The following PPP2R2C variants were observed in gnomAD, a reference collection of about 807,000 sequenced individuals.
The protein encoded by PPP2R2C is protein phosphatase 2 regulatory subunit Bgamma.
Under a neutral mutation model 45.3 loss-of-function variants are expected in PPP2R2C, and 10 were observed. The ratio of observed to expected loss-of-function variants is 0.22; its 90% CI spans 0.14 to 0.37. PPP2R2C has a LOEUF of 0.37. Among genes scored for constraint, PPP2R2C ranks in the 10% least tolerant of loss-of-function variants. The pLI, the probability that PPP2R2C is intolerant of heterozygous loss-of-function variation, is 1.00. For synonymous variants in PPP2R2C, 257 were observed against 245.4 expected (o/e 1.05, Z -0.44); for missense variants, 308 against 619.7 (o/e 0.50, Z 5.34).
intron 1 of PPP2R2C, among the ~76,000 whole-genome samples, chr4:6,448,159 G>A (rs547019238): frequency 2.9e-3 from 445 of 152,240 alleles, no homozygotes; most frequent in African/African-American, 9.8e-3. Flanking sequence ...TATTGGGTGC[G>A]TTCTCTGTGC....
chr4:6,413,654 T>G (rs10213600), intron 1 of PPP2R2C, among the ~76,000 whole-genome samples: 41,426 of 152,086 alleles, frequency 0.27, 6,024 homozygotes, highest in Admixed American at 0.39. Flanking sequence ...ACCACAGCAC[T>G]CACCTGTTCC....
intron 8 of PPP2R2C, among the ~76,000 whole-genome samples, chr4:6,326,876 C>G (rs1731988767): frequency 6.6e-6 from 1 of 152,202 alleles, no homozygotes; most frequent in African/African-American, 2.4e-5. Flanking sequence ...GCGGGCCGGA[C>G]CAACTGTCAG....
At chr4:6,350,261 G>A (rs183755165) in intron 5 of PPP2R2C, 6 of 985,474 alleles carry the variant, frequency 6.1e-6, no homozygotes, top group African/African-American at 3.5e-5. Flanking sequence ...CTCCCAGGCC[G>A]AATGCCTCCC....
chr4:6,485,554 T>C (rs966234750), intron 2 of PPP2R2C, among the ~76,000 whole-genome samples: 1 of 151,952 alleles, frequency 6.6e-6, no homozygotes, highest in African/African-American at 2.4e-5. Context: ...TCAATAGTTA[T>C]AGGACTACTC....
At chr4:6,513,747 G>C (rs1285702625) in intron 2 of PPP2R2C, among the ~76,000 whole-genome samples, 1 of 152,170 alleles carries the variant, frequency 6.6e-6, no homozygotes, top group African/African-American at 2.4e-5. Flanking sequence ...CATGAAAAGG[G>C]CGTGCACTGG....
At chr4:6,505,548 A>G (rs1161318348) in intron 2 of PPP2R2C, among the ~76,000 whole-genome samples, 1 of 152,264 alleles carries the variant, frequency 6.6e-6, no homozygotes, top group East Asian at 1.9e-4. Flanking sequence ...TGGAAAATTA[A>G]TAAACTTTTC....
chr4:6,435,628 C>A (rs182280805), intron 1 of PPP2R2C, among the ~76,000 whole-genome samples: 2 of 152,180 alleles, frequency 1.3e-5, no homozygotes, highest in South Asian at 4.1e-4. Flanking sequence ...TCTATTTATA[C>A]AAGATTCGTG....
At chr4:6,532,900 C>T (rs13127385) in intron 2 of PPP2R2C, among the ~76,000 whole-genome samples, 41,794 of 152,084 alleles carry the variant, frequency 0.27, 5,911 homozygotes, top group African/African-American at 0.34. Context: ...GGCTGGGAGA[C>T]GCATCCCCAG....
At chr4:6,337,112 G>GTGTGTGTGTGTGTA (rs1202845732) in intron 6 of PPP2R2C, among the ~76,000 whole-genome samples, 2 of 30,098 alleles carry the variant, frequency 6.6e-5, no homozygotes, top group African/African-American at 2.1e-4. Context: ...ATGTGTGTGT[G>GTGTGTGTGTGTGTA]TATATATATA....
intron 1 of PPP2R2C, among the ~76,000 whole-genome samples, chr4:6,431,113 A>C (rs1719590496): frequency 6.6e-6 from 1 of 152,192 alleles, no homozygotes; most frequent in Admixed American, 6.5e-5. Context: ...AAGCCCAAGG[A>C]TCAGTATAAC....
In PPP2R2C at chr4:6,466,175, C is replaced by T. The variant is rs146727086; in HGVS notation, c.70+5985G>A. Among the ~76,000 whole-genome samples the T allele has an allele frequency of 3.7e-3, 571 of 152,320 alleles. 3 individuals carry two copies. Among genetic ancestry groups the T allele is most frequent in the African/African-American group, 0.013 (545 of 41,570 alleles). ...CTGTCCACTGTGCATGGGGCTCAGA[C>T]GCTCAAGTGAACACAGGGTAGCGTG... On this transcript the variant is annotated intron_variant, in intron 1 of 8. Coordinates refer to ENST00000382599, the MANE Select transcript of PPP2R2C (RefSeq NM_020416.4).
chr4:6,387,372 A>C (rs192825318), intron 1 of PPP2R2C, among the ~76,000 whole-genome samples: 1 of 152,224 alleles, frequency 6.6e-6, no homozygotes, highest in African/African-American at 2.4e-5. Flanking sequence ...TAAAAACAAC[A>C]TATTACATTC....
intron 1 of PPP2R2C, among the ~76,000 whole-genome samples, chr4:6,440,101 C>T (rs1720079318): frequency 6.6e-6 from 1 of 152,146 alleles, no homozygotes; most frequent in African/African-American, 2.4e-5. Flanking sequence ...CAGAATTTGT[C>T]AAAATGACAT....
intron 2 of PPP2R2C, among the ~76,000 whole-genome samples, chr4:6,515,530 C>G (rs979297231): frequency 6.6e-6 from 1 of 152,194 alleles, no homozygotes; most frequent in African/African-American, 2.4e-5. Context: ...AAAAAGAGAA[C>G]CACAGAGTAC....
chr4:6,469,621 T>C (rs1191675040), intron 1 of PPP2R2C, among the ~76,000 whole-genome samples: 1 of 152,196 alleles, frequency 6.6e-6, no homozygotes, highest in Admixed American at 6.5e-5. Flanking sequence ...GTCGTTATTA[T>C]TTCTCCCTTT....
rs528377419 is a variant in PPP2R2C at position 6,424,915 on chromosome 4, G to A, written c.71-43821C>T. ...CCCAATGCCGCCACTGCCCAGCTGT[G>A]TGGCCACAGAACAGCAGGCAGCCTC... On this transcript the variant is annotated intron_variant, in intron 1 of 8. Transcript: ENST00000382599. Among the ~76,000 whole-genome samples the A allele has an allele frequency of 5.3e-5, 8 of 152,306 alleles. No homozygotes were observed. The South Asian group carries it at 1.2e-3, about 24-fold the overall frequency.
intron 1 of PPP2R2C, among the ~76,000 whole-genome samples, chr4:6,424,280 A>T (rs958796147): frequency 1.3e-5 from 2 of 152,142 alleles, no homozygotes; most frequent in African/African-American, 4.8e-5. Flanking sequence ...TGAACTGGAG[A>T]CCTCACTGTG....
Position 6,522,676 on chromosome 4 carries a change from C to T in PPP2R2C, c.49+12595G>A, listed in dbSNP as rs527469066. ...TGAGCACCCAGAAGTGGCCACAGGG[C>T]ACGGAGGGACCAGCTGCACCAGTTT... On this transcript the variant is annotated intron_variant, in intron 2 of 9. Coordinates refer to the PPP2R2C transcript ENST00000506140. Among the ~76,000 whole-genome samples the T allele has an allele frequency of 2.6e-5, 4 of 152,400 alleles. No individual in the cohort carries two copies. The South Asian group carries it at 8.3e-4, about 32-fold the overall frequency.
At chr4:6,516,787 C>T (rs961081086) in intron 2 of PPP2R2C, among the ~76,000 whole-genome samples, 13 of 152,148 alleles carry the variant, frequency 8.5e-5, no homozygotes, top group African/African-American at 2.9e-4. Flanking sequence ...TAGTCCTCAC[C>T]TGGCAATATA....
Sources: gnomAD v4.1 joint callset for allele counts (sites outside exome capture counted in the v4.1 genomes callset) on GRCh38, gnomAD v4.1.1 for gene constraint, MANE v1.5 for transcripts, NCBI Gene and HGNC (gene_info 2026-07-23, HGNC 2026-07-21) for gene names.